Variants in TMTC2 observed in about 807,000 individuals in gnomAD.
The protein encoded by TMTC2 is protein O-mannosyl-transferase TMTC2.
A neutral mutation model predicts 82.4 loss-of-function variants in TMTC2; 43 were observed. The observed-to-expected ratio is 0.52, with a 90% CI of 0.41 to 0.67. The LOEUF (loss-of-function observed/expected upper bound fraction) is 0.67, where lower values mean the gene tolerates loss of function less well. TMTC2 is among the 30% of genes least tolerant of loss of function. TMTC2 has a pLI of 0.00. For synonymous variants in TMTC2, 408 were observed against 381.9 expected (o/e 1.07, Z -0.80); for missense variants, 919 against 1,012.4 (o/e 0.91, Z 1.25).
chr12:82,989,036 A>C lies in TMTC2; in HGVS notation c.2070+2990A>C, dbSNP rs533292674. Among the ~76,000 whole-genome samples the C allele has an allele frequency of 3.3e-5, 5 of 151,866 alleles. No homozygotes were observed. The South Asian group carries it at 1.0e-3, about 32-fold the overall frequency. On this transcript the variant is annotated intron_variant, in intron 8 of 11. Transcript: ENST00000321196. ...CTAAATCAGAAGACATCTTTAAAAGAATAATAATCCTTAGAAAGAGACAGA... is the reference window on the plus strand; with the variant it reads ...CTAAATCAGAAGACATCTTTAAAAGCATAATAATCCTTAGAAAGAGACAGA...
At chr12:82,743,789 T>C (rs925280404) in intron 1 of TMTC2, among the ~76,000 whole-genome samples, 3 of 152,238 alleles carry the variant, frequency 2.0e-5, no homozygotes, top group African/African-American at 7.2e-5. Context: ...ACTAATCTGC[T>C]CTTTCTTTTA....
Position 82,857,502 on chromosome 12 carries a change from T to G in TMTC2, c.576T>G (p.Val192=). ...SMLWKEQGVT[V]LAVSAVYDVF... is the part of the protein sequence containing the mutation. ...TGTGGAAGGAACAAGGAGTGACTGT[T>G]CTCGCAGTTTCAGCAGTTTATGATG... Residue 192 remains valine (V), a synonymous_variant, in exon 2 of 12, where the codon GTT becomes GTG. Coordinates refer to ENST00000321196, the MANE Select transcript of TMTC2 (RefSeq NM_152588.3). The G allele has an allele frequency of 6.2e-7, 1 of 1,614,176 alleles. No homozygotes were observed. Among genetic ancestry groups the G allele is most frequent in the Non-Finnish European group, 8.5e-7 (1 of 1,180,032 alleles).
In TMTC2 at chr12:82,852,204, C is replaced by G. The variant is rs535601226; in HGVS notation, c.84-4806C>G. Reference sequence around the variant, plus strand: ...GCAAGCTCCGCCTCCCGGGTTCACACCATTCTCCTGCCTCAGCCTCCCGAG... The same window carrying G: ...GCAAGCTCCGCCTCCCGGGTTCACAGCATTCTCCTGCCTCAGCCTCCCGAG... On this transcript the variant is annotated intron_variant, in intron 1 of 11. Transcript: ENST00000321196. Among the ~76,000 whole-genome samples the G allele has an allele frequency of 3.3e-5, 5 of 151,770 alleles. No homozygotes were observed. The East Asian group carries it at 9.8e-4, about 30-fold the overall frequency.
At chr12:82,830,380 A>G (rs1490833524) in intron 1 of TMTC2, among the ~76,000 whole-genome samples, 2 of 152,034 alleles carry the variant, frequency 1.3e-5, no homozygotes, top group Admixed American at 6.5e-5. Context: ...TAGCTGTTTT[A>G]GGGCCCCATT....
chr12:82,843,634 T>C (rs1480912800), intron 1 of TMTC2, among the ~76,000 whole-genome samples: 1 of 152,136 alleles, frequency 6.6e-6, no homozygotes, highest in Non-Finnish European at 1.5e-5. Context: ...TCTGTATGGC[T>C]GCAGGAGTTC....
chr12:82,925,088 C>G (rs1165750908), intron 3 of TMTC2, among the ~76,000 whole-genome samples: 2 of 152,156 alleles, frequency 1.3e-5, no homozygotes, highest in African/African-American at 4.8e-5. Flanking sequence ...CAGTCCTTGC[C>G]AGGCTTGCTC....
At chr12:82,722,491 C>G (rs953280470) in intron 1 of TMTC2, among the ~76,000 whole-genome samples, 1 of 126,526 alleles carries the variant, frequency 7.9e-6, no homozygotes, top group Admixed American at 9.8e-5. Flanking sequence ...GGCGTGAACC[C>G]GGGAGGCAGA....
At chr12:82,893,572 C>T (rs147798053) in intron 2 of TMTC2, among the ~76,000 whole-genome samples, 130 of 151,974 alleles carry the variant, frequency 8.6e-4, no homozygotes, top group Middle Eastern at 6.8e-3. Flanking sequence ...ATAATTCCAC[C>T]GCTTAAAATT....
At chr12:83,047,113 G>A (rs1409557927) in intron 9 of TMTC2, among the ~76,000 whole-genome samples, 1 of 152,188 alleles carries the variant, frequency 6.6e-6, no homozygotes, top group Non-Finnish European at 1.5e-5. Context: ...CTTAGTGGCT[G>A]CAAGTTCCAG....
chr12:83,102,814 A>G (rs1175258265), intron 11 of TMTC2, among the ~76,000 whole-genome samples: 2 of 152,230 alleles, frequency 1.3e-5, no homozygotes, highest in Non-Finnish European at 2.9e-5. Context: ...ACTGTGATGT[A>G]CTCAGGAGGC....
chr12:82,744,196 C>A (rs561764786), intron 1 of TMTC2, among the ~76,000 whole-genome samples: 1 of 151,986 alleles, frequency 6.6e-6, no homozygotes, highest in Non-Finnish European at 1.5e-5. Flanking sequence ...CCGAGGCGGG[C>A]GGATTGTGAG....
intron 11 of TMTC2, among the ~76,000 whole-genome samples, chr12:83,091,712 T>C (rs1467999943): frequency 6.6e-6 from 1 of 152,240 alleles, no homozygotes; most frequent in Non-Finnish European, 1.5e-5. Flanking sequence ...TTGCACATTT[T>C]TTAGTGAGTT....
chr12:82,757,304 G>C (rs564744351), intron 1 of TMTC2, among the ~76,000 whole-genome samples: 1 of 152,288 alleles, frequency 6.6e-6, no homozygotes, highest in East Asian at 1.9e-4. Context: ...GATAAATATT[G>C]CTTCATTTGT....
chr12:82,823,021 A>T (rs1300261442), intron 1 of TMTC2, among the ~76,000 whole-genome samples: 1 of 152,206 alleles, frequency 6.6e-6, no homozygotes, highest in Admixed American at 6.5e-5. Context: ...AAAAGGTGTT[A>T]AGAGAAAGTG....
rs145596509 is a variant in TMTC2, at chr12:82,878,210, C to T, written c.655-17608C>T. ...ATGGATAGTAAGTCAGTGAACAAAACATAGATAAATCCTTGCCCTTTCAGA... is the reference window on the plus strand; with the variant it reads ...ATGGATAGTAAGTCAGTGAACAAAATATAGATAAATCCTTGCCCTTTCAGA... On this transcript the variant is annotated intron_variant, in intron 2 of 11. Transcript: ENST00000321196. 2.8e-3 allele frequency among the ~76,000 whole-genome samples: 419 copies of T among 152,292 alleles called. 5 individuals carry two copies. The highest frequency in any genetic ancestry group is 3.1e-3 in the Non-Finnish European group (212 of 68,020).
intron 8 of TMTC2, among the ~76,000 whole-genome samples, chr12:83,018,734 T>G (rs138142618): frequency 2.0e-3 from 304 of 151,424 alleles, no homozygotes; most frequent in African/African-American, 7.1e-3. Flanking sequence ...TGAGTATCAC[T>G]CAGGTCTCAA....
chr12:82,899,906 A>G (rs1247304961), intron 3 of TMTC2, among the ~76,000 whole-genome samples: 5 of 141,744 alleles, frequency 3.5e-5, no homozygotes, highest in Admixed American at 7.4e-5. Flanking sequence ...AGGAATGTAT[A>G]TACATATCCG....
At chr12:82,792,544 G>A (rs1468099550) in intron 1 of TMTC2, among the ~76,000 whole-genome samples, 2 of 151,966 alleles carry the variant, frequency 1.3e-5, no homozygotes, top group Non-Finnish European at 2.9e-5. Flanking sequence ...ATGGCTCACT[G>A]CAGCCTCAAC....
intron 2 of TMTC2, among the ~76,000 whole-genome samples, chr12:82,865,412 G>C (rs568909853): frequency 7.9e-4 from 121 of 152,284 alleles, no homozygotes; most frequent in African/African-American, 2.9e-3. Context: ...AAGAGACAAA[G>C]AAGGCCATTA....
Sources: gnomAD v4.1 joint callset for allele counts (sites outside exome capture counted in the v4.1 genomes callset) on GRCh38, gnomAD v4.1.1 for gene constraint, MANE v1.5 for transcripts, NCBI Gene and HGNC (gene_info 2026-07-23, HGNC 2026-07-21) for gene names.